SLC37A3: variants seen among roughly 807,000 people sequenced by gnomAD.
The protein encoded by SLC37A3 is sugar phosphate exchanger 3.
A neutral mutation model predicts 67.1 loss-of-function variants in SLC37A3; 51 were observed. The ratio of observed to expected loss-of-function variants is 0.76; its 90% CI spans 0.61 to 0.96. The LOEUF is 0.96. Ranked by LOEUF, SLC37A3 falls within the 40% of genes least tolerant of loss-of-function variation. The pLI is 0.00. For synonymous variants in SLC37A3, 214 were observed against 231.4 expected, an observed-to-expected ratio of 0.92 and a Z score of 0.68; for missense variants, 508 against 603.0, an observed-to-expected ratio of 0.84 and a Z score of 1.65.
rs5887970 is a variant in SLC37A3, at chr7:140,374,496, CAA to C, written c.199-4816_199-4815del. Among the ~76,000 whole-genome samples, 550 of 125,570 alleles carry C rather than the reference CAA, an allele frequency of 4.4e-3. 12 individuals carry two copies. The South Asian group carries it at 0.054, about 12-fold the overall frequency. The allele number at this position is 125,570 out of a possible 152,430, so 82.4% of individuals were successfully genotyped here. On this transcript the variant is annotated intron_variant, in intron 3 of 14. Coordinates refer to ENST00000326232, the MANE Select transcript of SLC37A3 (RefSeq NM_207113.3). ...TGGGCGACAGAGCAAGACTCAATCT[CAA>C]AAAAAAAAAAAAAAATGAATTTAGA...
At chr7:140,347,568 T>C (rs1418602876) in intron 10 of SLC37A3, among the ~76,000 whole-genome samples, 2 of 152,188 alleles carry the variant, frequency 1.3e-5, no homozygotes, top group Non-Finnish European at 2.9e-5. Context: ...GCAGATTGCC[T>C]AGCACAGACT....
At chr7:140,397,019 G>T (rs1045292577) in intron 1 of SLC37A3, among the ~76,000 whole-genome samples, 2 of 150,414 alleles carry the variant, frequency 1.3e-5, no homozygotes, top group Non-Finnish European at 3.0e-5. Flanking sequence ...GGCCAATATG[G>T]TGAAACCCCG....
intron 1 of SLC37A3, among the ~76,000 whole-genome samples, chr7:140,391,423 C>T (rs111936702): frequency 0.029 from 4,382 of 152,212 alleles, 220 homozygotes; most frequent in African/African-American, 0.1. Context: ...GTTGTGGCGG[C>T]GTGTGCCTTG....
At position 140,385,035 on chromosome 7, in the gene SLC37A3, T is replaced by C. The variant is rs184037514; in HGVS notation, c.-70-2439A>G. Among the ~76,000 whole-genome samples the C allele has an allele frequency of 3.3e-5, 5 of 152,332 alleles. No homozygotes were observed. The East Asian group carries it at 9.6e-4, about 29-fold the overall frequency. The stretch of plus-strand genomic sequence containing the variant: ...TGAGGTGGTTACAATTATGTACACA[T>C]GACAGTTGTTTTCCTTACTAGCTGT... On this transcript the variant is annotated intron_variant, in intron 1 of 14. Transcript: ENST00000326232.
At chr7:140,377,013 G>A (rs1202806906) in intron 3 of SLC37A3, among the ~76,000 whole-genome samples, 5 of 146,838 alleles carry the variant, frequency 3.4e-5, no homozygotes, top group East Asian at 2.0e-4. Context: ...GCACGATCTC[G>A]GCTCACTGCA....
chr7:140,359,391 C>A (rs867167728), intron 5 of SLC37A3, among the ~76,000 whole-genome samples: 1 of 151,924 alleles, frequency 6.6e-6, no homozygotes, highest in African/African-American at 2.4e-5. Flanking sequence ...ATTTCCATCT[C>A]CTCACCCTCA....
chr7:140,365,653 G>A (rs1344748422), intron 4 of SLC37A3, among the ~76,000 whole-genome samples: 1 of 152,102 alleles, frequency 6.6e-6, no homozygotes, highest in African/African-American at 2.4e-5. Context: ...CCCAGGAAGC[G>A]GGGCTTGCAG....
chr7:140,338,987 C>A (rs1312732871), intron 13 of SLC37A3, among the ~76,000 whole-genome samples: 1 of 151,902 alleles, frequency 6.6e-6, no homozygotes, highest in Non-Finnish European at 1.5e-5. Flanking sequence ...AAACTCCTAA[C>A]CTCAGGTGAT....
intron 10 of SLC37A3, among the ~76,000 whole-genome samples, chr7:140,347,598 C>T (rs182453975): frequency 3.4e-3 from 514 of 152,288 alleles, no homozygotes; most frequent in Non-Finnish European, 5.8e-3. Flanking sequence ...CACAAGCTCA[C>T]GGCAGTTGAG....
In SLC37A3 at chr7:140,361,518, CCTCCCCCTCCCCCTCCCT is replaced by C. The variant is rs1381886026; in HGVS notation, c.376-2751_376-2734del. ...CCCTCCCCCTCCCCCTCCCCCTCCC[CCTCCCCCTCCCCCTCCCT>C]CTCTCCCTCTCCGTCTCCCTCTCTC... On this transcript the variant is annotated intron_variant, in intron 5 of 14. Transcript: ENST00000326232. Among the ~76,000 whole-genome samples, 10 of 89,240 alleles carry C rather than the reference CCTCCCCCTCCCCCTCCCT, an allele frequency of 1.1e-4. 1 individual carries two copies. Among genetic ancestry groups the C allele is most frequent in the African/African-American group, 4.6e-4 (9 of 19,646 alleles). 58.5% of individuals were successfully genotyped at this position (89,240 alleles called of 152,430 possible). A position where few individuals can be genotyped will look rare whatever the true frequency, so the allele number is the denominator to read the frequency against.
chr7:140,354,290 G>C (rs1367893716), intron 7 of SLC37A3, among the ~76,000 whole-genome samples: 1 of 152,218 alleles, frequency 6.6e-6, no homozygotes, highest in African/African-American at 2.4e-5. Context: ...AATTTTGACA[G>C]ACACTTCCAT....
intron 14 of SLC37A3, among the ~76,000 whole-genome samples, 186 bp downstream of exon 14, chr7:140,337,098 C>CAAAAAAAAAAAAAAAA (rs1172096190): frequency 2.9e-5 from 2 of 69,652 alleles, no homozygotes; most frequent in Non-Finnish European, 5.5e-5. Context: ...GACTCTGCCT[C>CAAAAAAAAAAAAAAAA]AAAAAAAAAA....
At chr7:140,354,742 T>TC (rs930242849) in intron 7 of SLC37A3, among the ~76,000 whole-genome samples, 1 of 109,274 alleles carries the variant, frequency 9.2e-6, no homozygotes, top group Non-Finnish European at 1.9e-5. Flanking sequence ...TTTTTGGTGT[T>TC]TTTTTTTTTT....
chr7:140,351,396 T>G lies in SLC37A3; in HGVS notation c.759A>C (p.Leu253Phe), dbSNP rs1185919997. 1.2e-6 allele frequency: 2 copies of G among 1,614,212 alleles called. No homozygotes were observed. Among genetic ancestry groups the G allele is most frequent in the South Asian group, 1.1e-5 (1 of 91,090 alleles). The change falls in exon 9 of 15, where the codon TTA (leucine) becomes TTC (phenylalanine). Residue 253 changes from leucine to phenylalanine, a missense_variant. Leu to Phe is a conservative substitution (Grantham distance 22). Transcript: ENST00000326232. ...CGTCTTCATTTTCACCACCATTAAT[T>G]AATGGCCTGTGTGAGTCTTCTTCAA... Reference protein sequence around the residue: ...ENFEEDSHRPLINGGENEDEY... With the variant: ...ENFEEDSHRPFINGGENEDEY...
intron 3 of SLC37A3, among the ~76,000 whole-genome samples, chr7:140,377,342 G>A (rs1461692760): frequency 6.6e-6 from 1 of 152,012 alleles, no homozygotes; most frequent in Non-Finnish European, 1.5e-5. Context: ...TGGGATTACA[G>A]GCCTGAGCCA....
intron 1 of SLC37A3, among the ~76,000 whole-genome samples, chr7:140,390,297 C>T (rs1371722460): frequency 6.6e-6 from 1 of 152,044 alleles, no homozygotes; most frequent in African/African-American, 2.4e-5. Context: ...TCTCTGGAAA[C>T]AGAGATACAC....
chr7:140,335,815 C>T (rs1213589905), intron 14 of SLC37A3, among the ~76,000 whole-genome samples: 1 of 152,234 alleles, frequency 6.6e-6, no homozygotes, highest in Non-Finnish European at 1.5e-5. Flanking sequence ...AGTTTTCTTT[C>T]TACTACAGTT....
intron 5 of SLC37A3, among the ~76,000 whole-genome samples, chr7:140,362,414 G>A (rs1275362572): frequency 1.3e-5 from 1 of 78,120 alleles, no homozygotes; most frequent in African/African-American, 4.1e-5. Context: ...GTCCGGGAGG[G>A]AGGTGGGGGG....
chr7:140,380,630 C>G (rs7796411), intron 2 of SLC37A3, among the ~76,000 whole-genome samples: 83,868 of 151,864 alleles, frequency 0.55, 23,285 homozygotes, highest in South Asian at 0.65. Context: ...CACTAGGCTT[C>G]ACCTCCTGGG....
Sources: gnomAD v4.1 joint callset for allele counts (sites outside exome capture counted in the v4.1 genomes callset) on GRCh38, gnomAD v4.1.1 for gene constraint, MANE v1.5 for transcripts, NCBI Gene and HGNC (gene_info 2026-07-23, HGNC 2026-07-21) for gene names.